Variants in PLXNC1 observed in about 807,000 individuals in gnomAD.
PLXNC1 encodes plexin-C1.
PLXNC1 carries 75 observed loss-of-function variants against 178.2 expected under a neutral mutation model. The observed-to-expected ratio is 0.42, with a 90% CI of 0.35 to 0.51. The LOEUF is 0.51. Ranked by LOEUF, PLXNC1 falls within the 20% of genes least tolerant of loss-of-function variation. The pLI is 0.02. For missense variants in PLXNC1, 1,503 were observed against 1,984.4 expected, an observed-to-expected ratio of 0.76 and a Z score of 4.61; for synonymous variants, 790 against 779.9, an observed-to-expected ratio of 1.01 and a Z score of -0.22.
At chr12:94,203,985 C>A (rs1255006989) in intron 4 of PLXNC1, among the ~76,000 whole-genome samples, 1 of 152,224 alleles carries the variant, frequency 6.6e-6, no homozygotes, top group East Asian at 1.9e-4. Context: ...CATGCCCTCG[C>A]TCTCTCTTGC....
Position 94,275,660 on chromosome 12 carries a change from C to T in PLXNC1, c.3598-3812C>T, listed in dbSNP as rs1035986886. 1.8e-4 allele frequency among the ~76,000 whole-genome samples: 16 copies of T among 91,398 alleles called. 2 individuals carry two copies. The highest frequency in any genetic ancestry group is 3.1e-4 in the Non-Finnish European group (14 of 44,802). The allele number at this position is 91,398 out of a possible 152,430, so 60.0% of individuals were successfully genotyped here. ...CGAGGTCAGGAGATCGAGACCATCCCGGCTAAAACGGTGAAACCCCGTCTC... is the reference window on the plus strand; with the variant it reads ...CGAGGTCAGGAGATCGAGACCATCCTGGCTAAAACGGTGAAACCCCGTCTC... On this transcript the variant is annotated intron_variant, in intron 21 of 30. Transcript: ENST00000258526.
At chr12:94,302,017 T>C (rs926347919) in intron 28 of PLXNC1, among the ~76,000 whole-genome samples, 1 of 152,202 alleles carries the variant, frequency 6.6e-6, no homozygotes, top group Non-Finnish European at 1.5e-5. Context: ...GCTTCCTAAT[T>C]GGTGTCCTTG....
intron 1 of PLXNC1, among the ~76,000 whole-genome samples, chr12:94,156,863 A>G (rs1005210053): frequency 1.3e-5 from 2 of 151,790 alleles, no homozygotes; most frequent in African/African-American, 4.8e-5. Flanking sequence ...ACACACCACC[A>G]TGCCAGGCTG....
intron 4 of PLXNC1, among the ~76,000 whole-genome samples, chr12:94,201,424 T>A (rs1332928306): frequency 2.0e-5 from 3 of 152,196 alleles, no homozygotes; most frequent in Admixed American, 6.5e-5. Flanking sequence ...TTCTGTTCCA[T>A]TTTCCCATAT....
At chr12:94,199,703 C>T (rs1267976951) in intron 4 of PLXNC1, among the ~76,000 whole-genome samples, 1 of 152,190 alleles carries the variant, frequency 6.6e-6, no homozygotes, top group Admixed American at 6.5e-5. Flanking sequence ...TGCTAAGGGG[C>T]ACCTCTCCAC....
intron 1 of PLXNC1, among the ~76,000 whole-genome samples, chr12:94,164,751 T>C (rs1961540416): frequency 6.6e-6 from 1 of 151,730 alleles, no homozygotes; most frequent in Admixed American, 6.6e-5. Flanking sequence ...TTGGTCCCAG[T>C]TTGCTATATC....
chr12:94,169,080 T>C, intron 1 of PLXNC1, 73 bp from the exon 2 acceptor site: 1 of 1,361,496 alleles, frequency 7.3e-7, no homozygotes, highest in South Asian at 1.3e-5. Context: ...TGAGTGACAT[T>C]TCATCAGTAT....
chr12:94,182,528 A>G (rs945889486), intron 3 of PLXNC1, among the ~76,000 whole-genome samples: 4 of 151,562 alleles, frequency 2.6e-5, no homozygotes, highest in African/African-American at 9.7e-5. Context: ...GTTCAAGACC[A>G]GCCTGGGCAA....
intron 9 of PLXNC1, among the ~76,000 whole-genome samples, chr12:94,229,271 G>C (rs936113161): frequency 3.9e-5 from 6 of 152,134 alleles, no homozygotes; most frequent in African/African-American, 1.4e-4. Flanking sequence ...TTGTTGTTGA[G>C]TTGTAGGAGT....
intron 4 of PLXNC1, among the ~76,000 whole-genome samples, chr12:94,205,633 G>T (rs1316984680): frequency 1.3e-5 from 2 of 152,218 alleles, no homozygotes; most frequent in Non-Finnish European, 2.9e-5. Context: ...TGCTAGTTGT[G>T]TGGTTGTGTT....
chr12:94,268,343 CCT>C lies in PLXNC1; in HGVS notation c.3597+3121_3597+3122del, dbSNP rs756957743. ...CTTCTTGCATATTGAGAAGAAAATT[CCT>C]CTGTCTTGCCAAAAATCCAAGCAAA... On this transcript the variant is annotated intron_variant, in intron 21 of 30. Coordinates refer to ENST00000258526, the MANE Select transcript of PLXNC1 (RefSeq NM_005761.3). Among the ~76,000 whole-genome samples, 7 of 152,090 alleles carry C rather than the reference CCT, an allele frequency of 4.6e-5. No homozygotes were observed. In the East Asian group the frequency reaches 7.7e-4, roughly 17 times the overall value.
intron 3 of PLXNC1, among the ~76,000 whole-genome samples, chr12:94,182,460 T>TCA (rs1962344400): frequency 7.2e-6 from 1 of 138,218 alleles, no homozygotes; most frequent in Non-Finnish European, 1.5e-5. Flanking sequence ...GCATGGTGGC[T>TCA]CACACCTATA....
intron 19 of PLXNC1, among the ~76,000 whole-genome samples, chr12:94,260,000 G>A (rs925167572): frequency 3.3e-5 from 5 of 152,048 alleles, no homozygotes; most frequent in African/African-American, 4.8e-5. Flanking sequence ...CTTTTCCAAA[G>A]GCTATTTGAT....
chr12:94,195,875 A>G (rs1962895666), intron 4 of PLXNC1, among the ~76,000 whole-genome samples: 1 of 152,228 alleles, frequency 6.6e-6, no homozygotes, highest in African/African-American at 2.4e-5. Context: ...TGCCATCTGA[A>G]TGCTAAACAT....
chr12:94,178,288 T>A (rs868568776), intron 2 of PLXNC1, among the ~76,000 whole-genome samples: 2 of 152,206 alleles, frequency 1.3e-5, no homozygotes, highest in African/African-American at 4.8e-5. Flanking sequence ...TAAATGGAAG[T>A]TAGTGCTAAA....
chr12:94,275,852 C>G (rs1247654737), intron 21 of PLXNC1, among the ~76,000 whole-genome samples: 1 of 99,628 alleles, frequency 1.0e-5, no homozygotes, highest in Non-Finnish European at 2.0e-5. Context: ...GAGACTCCGT[C>G]TCAAAAAAAA....
At chr12:94,184,615 G>T (rs1264736914) in intron 3 of PLXNC1, among the ~76,000 whole-genome samples, 1 of 151,626 alleles carries the variant, frequency 6.6e-6, no homozygotes, top group Non-Finnish European at 1.5e-5. Flanking sequence ...TAGAGACAGA[G>T]TTGGCCAGAC....
intron 24 of PLXNC1, among the ~76,000 whole-genome samples, chr12:94,295,349 A>G (rs1477117502): frequency 3.3e-5 from 5 of 152,186 alleles, no homozygotes; most frequent in Non-Finnish European, 7.4e-5. Flanking sequence ...TTCCATCACT[A>G]TATGGGGCTG....
Position 94,161,502 on chromosome 12 carries a change from A to G in PLXNC1, c.1063-7651A>G, listed in dbSNP as rs1427477566. On this transcript the variant is annotated intron_variant, in intron 1 of 30. Coordinates refer to ENST00000258526, the MANE Select transcript of PLXNC1 (RefSeq NM_005761.3). Reference sequence around the variant, plus strand: ...GTTCTTTCTATTCTTCCATGCTACCATCAGCTACTTTTATTTGAAAGGACA... The same window carrying G: ...GTTCTTTCTATTCTTCCATGCTACCGTCAGCTACTTTTATTTGAAAGGACA... Among the ~76,000 whole-genome samples, 4 of 152,242 alleles carry G rather than the reference A, an allele frequency of 2.6e-5. No individual in the cohort carries two copies. In the East Asian group the frequency reaches 5.8e-4, roughly 22 times the overall value.
Sources: gnomAD v4.1 joint callset for allele counts (sites outside exome capture counted in the v4.1 genomes callset) on GRCh38, gnomAD v4.1.1 for gene constraint, MANE v1.5 for transcripts, NCBI Gene and HGNC (gene_info 2026-07-23, HGNC 2026-07-21) for gene names.